AKAP7: variants seen among roughly 807,000 people sequenced by gnomAD.
AKAP7 encodes the protein A kinase (PRKA) anchor protein 7.
AKAP7 carries 39 observed loss-of-function variants against 39.5 expected under a neutral mutation model. The observed-to-expected ratio is 0.99, with a 90% CI of 0.76 to 1.29. AKAP7 has a LOEUF of 1.29. AKAP7 is among the 50% of genes most tolerant of loss of function. AKAP7 has a pLI of 0.00. For synonymous variants in AKAP7, 140 were observed against 139.1 expected, an observed-to-expected ratio of 1.01 and a Z score of -0.05; for missense variants, 414 against 407.7, an observed-to-expected ratio of 1.02 and a Z score of -0.13.
At chr6:131,177,822 C>T (rs1048182874) in intron 5 of AKAP7, among the ~76,000 whole-genome samples, 1 of 152,190 alleles carries the variant, frequency 6.6e-6, no homozygotes, top group African/African-American at 2.4e-5. Context: ...AAATTAGCAA[C>T]CGGACTCCCT....
intron 6 of AKAP7, among the ~76,000 whole-genome samples, chr6:131,215,357 G>C (rs1310864197): frequency 6.6e-6 from 1 of 152,202 alleles, no homozygotes; most frequent in Non-Finnish European, 1.5e-5. Flanking sequence ...CTCACCCTGG[G>C]TGCTGGACAT....
chr6:131,131,506 C>T (rs1351158642), upstream of AKAP7, among the ~76,000 whole-genome samples: 24 of 139,362 alleles, frequency 1.7e-4, no homozygotes, highest in Non-Finnish European at 3.1e-4. Context: ...GGGAGTGCTG[C>T]TTTATTTTTT....
intron 5 of AKAP7, chr6:131,184,444 C>G (rs1585036239): frequency 1.5e-6 from 1 of 659,058 alleles, no homozygotes; most frequent in South Asian, 1.4e-5. Flanking sequence ...CAGTACATTT[C>G]GTAGCCATGA....
At chr6:131,262,313 AAAGGAGAAATAAGTGAGTTG>A (rs1813413583) in intron 7 of AKAP7, among the ~76,000 whole-genome samples, 1 of 152,146 alleles carries the variant, frequency 6.6e-6, no homozygotes, top group South Asian at 2.1e-4. Flanking sequence ...TCCAGCGGGC[AAAGGAGAAATAAGTGAGTTG>A]AGTCCCAGCT....
At position 131,260,954 on chromosome 6, in the gene AKAP7, T is replaced by C. The variant is rs1299068857; in HGVS notation, c.851-20576T>C. 2.0e-5 allele frequency among the ~76,000 whole-genome samples: 3 copies of C among 152,178 alleles called. No homozygotes were observed. The South Asian group carries it at 6.2e-4, about 32-fold the overall frequency. ...GCTCATGACTGTAATCCCAGCACTT[T>C]GGGAGGCCGAGGTGGGTGGATCACC... On this transcript the variant is annotated intron_variant, in intron 7 of 7. Coordinates refer to ENST00000431975, the MANE Select transcript of AKAP7 (RefSeq NM_016377.4).
chr6:131,248,612 AG>A (rs1358173718), intron 7 of AKAP7, among the ~76,000 whole-genome samples: 1 of 152,170 alleles, frequency 6.6e-6, no homozygotes, highest in East Asian at 1.9e-4. Context: ...AGGTCCAGAG[AG>A]GACCAAGGGC....
chr6:131,211,097 A>G (rs1808602767), intron 6 of AKAP7, among the ~76,000 whole-genome samples: 1 of 152,196 alleles, frequency 6.6e-6, no homozygotes, highest in Non-Finnish European at 1.5e-5. Context: ...CAAAGTGGGT[A>G]TGTGATGGAC....
intron 7 of AKAP7, among the ~76,000 whole-genome samples, chr6:131,247,309 A>C (rs1458881489): frequency 2.0e-5 from 1 of 50,700 alleles, no homozygotes; most frequent in African/African-American, 1.0e-4. Context: ...ATATATATAT[A>C]TATATGTTTT....
intron 7 of AKAP7, among the ~76,000 whole-genome samples, chr6:131,248,608 A>G (rs1812217632): frequency 6.6e-6 from 1 of 152,218 alleles, no homozygotes; most frequent in South Asian, 2.1e-4. Flanking sequence ...ACTGAGGTCC[A>G]GAGAGGACCA....
At chr6:131,176,876 C>T (rs1024720047) in intron 5 of AKAP7, among the ~76,000 whole-genome samples, 9 of 152,156 alleles carry the variant, frequency 5.9e-5, no homozygotes, top group African/African-American at 2.2e-4. Flanking sequence ...TTGGGCTACG[C>T]TTTCTTCAGA....
chr6:131,169,730 A>G (rs564608232), intron 5 of AKAP7, among the ~76,000 whole-genome samples: 15 of 152,340 alleles, frequency 9.8e-5, no homozygotes, highest in African/African-American at 3.6e-4. Flanking sequence ...AAAAAAAATC[A>G]TAACCTGGAT....
chr6:131,192,354 G>A (rs1213547171), intron 5 of AKAP7, among the ~76,000 whole-genome samples: 1 of 152,080 alleles, frequency 6.6e-6, no homozygotes, highest in Non-Finnish European at 1.5e-5. Context: ...TGTCTTTTCT[G>A]CATTGTATGC....
At chr6:131,266,970 A>G (rs1813853378) in intron 7 of AKAP7, among the ~76,000 whole-genome samples, 1 of 152,182 alleles carries the variant, frequency 6.6e-6, no homozygotes, top group Admixed American at 6.6e-5. Flanking sequence ...TTCAGACTTC[A>G]AAGAAAAACA....
intron 7 of AKAP7, among the ~76,000 whole-genome samples, chr6:131,222,501 TG>T (rs1374209959): frequency 2.0e-5 from 3 of 152,008 alleles, no homozygotes; most frequent in Non-Finnish European, 2.9e-5. Context: ...CACTCCAGCC[TG>T]GGTGACAAAG....
Position 131,281,506 on chromosome 6 carries a change from T to C in AKAP7, c.851-24T>C. 1 of 1,545,900 alleles carries C rather than the reference T, an allele frequency of 6.5e-7. No individual in the cohort carries two copies. Among genetic ancestry groups the C allele is most frequent in the Non-Finnish European group, 8.7e-7 (1 of 1,143,574 alleles). Reference sequence around the variant, plus strand: ...CTATGGCAATGTGATCTCAGTGACCTCTCTTCTCTATTGTGGAATGTAGGT... The same window carrying C: ...CTATGGCAATGTGATCTCAGTGACCCCTCTTCTCTATTGTGGAATGTAGGT... On this transcript the variant is annotated intron_variant, in intron 7 of 7. Coordinates refer to ENST00000431975, the MANE Select transcript of AKAP7 (RefSeq NM_016377.4). This position sits in a 1 kb window ranked among gnomAD's most constrained non-coding sequence, Gnocchi z 4.0.
intron 7 of AKAP7, among the ~76,000 whole-genome samples, chr6:131,269,525 T>C (rs1402597076): frequency 3.3e-5 from 5 of 152,000 alleles, no homozygotes; most frequent in African/African-American, 1.2e-4. Flanking sequence ...TACCATATAG[T>C]AGAGAACATA....
chr6:131,213,487 C>T (rs1189838100), intron 6 of AKAP7, among the ~76,000 whole-genome samples: 1 of 152,062 alleles, frequency 6.6e-6, no homozygotes, highest in African/African-American at 2.4e-5. Flanking sequence ...AGAACATGTA[C>T]CAAAGAGCAA....
chr6:131,241,627 G>GTGTGTGTGTGTGTATATATA, intron 7 of AKAP7, among the ~76,000 whole-genome samples: 2 of 86,638 alleles, frequency 2.3e-5, no homozygotes, highest in East Asian at 3.1e-4. Flanking sequence ...GTGTGTGTGT[G>GTGTGTGTGTGTGTATATATA]TATATATATA....
chr6:131,138,346 T>A (rs1390794491), intron 1 of AKAP7, among the ~76,000 whole-genome samples: 1 of 152,252 alleles, frequency 6.6e-6, no homozygotes, highest in East Asian at 1.9e-4. Context: ...GTACCATATT[T>A]CCTTTTTCCA....
Sources: gnomAD v4.1 joint callset for allele counts (sites outside exome capture counted in the v4.1 genomes callset) on GRCh38, gnomAD v4.1.1 for gene constraint, Gnocchi (gnomAD v3.1) non-coding constraint, MANE v1.5 for transcripts, NCBI Gene and HGNC (gene_info 2026-07-23, HGNC 2026-07-21) for gene names.